The following GRID1 variants were observed in gnomAD, a reference collection of about 807,000 sequenced individuals.
The protein encoded by GRID1 is glutamate receptor ionotropic, delta-1.
In GRID1, 28 loss-of-function variants were observed where a neutral mutation model predicts 98.0. That is an observed-to-expected ratio of 0.29 (90% CI 0.21 to 0.39). The LOEUF is 0.39. GRID1 is among the 10% of genes least tolerant of loss of function. The pLI, the probability that GRID1 is intolerant of heterozygous loss-of-function variation, is 1.00. For synonymous variants in GRID1, 553 were observed against 538.5 expected (o/e 1.03, Z -0.37); for missense variants, 1,111 against 1,340.5 (o/e 0.83, Z 2.67).
chr10:86,234,245 A>C (rs1278157836), intron 2 of GRID1, among the ~76,000 whole-genome samples: 1 of 152,172 alleles, frequency 6.6e-6, no homozygotes, highest in Non-Finnish European at 1.5e-5. Flanking sequence ...GCCACCCTAG[A>C]AAGAGAGAAG....
At chr10:85,708,691 A>C (rs533580794) in intron 12 of GRID1, 2 of 152,228 alleles carry the variant, frequency 1.3e-5, no homozygotes, top group Non-Finnish European at 2.9e-5. Context: ...ATGGCCAAGC[A>C]TGTGCCCAAT....
chr10:86,108,449 T>A (rs1844426956), intron 4 of GRID1, among the ~76,000 whole-genome samples: 1 of 152,242 alleles, frequency 6.6e-6, no homozygotes, highest in African/African-American at 2.4e-5. Flanking sequence ...AGCTTTGTCC[T>A]ATTTTTCTCC....
At chr10:85,710,001 CATCTT>C (rs1841564892) in intron 12 of GRID1, among the ~76,000 whole-genome samples, 1 of 152,008 alleles carries the variant, frequency 6.6e-6, no homozygotes. Flanking sequence ...AATAAATAGA[CATCTT>C]ATGCTAATGG....
chr10:86,104,636 GAA>G (rs1844353253), intron 4 of GRID1, among the ~76,000 whole-genome samples: 3 of 152,216 alleles, frequency 2.0e-5, no homozygotes, highest in African/African-American at 7.2e-5. Context: ...TCGGCAGACT[GAA>G]TGCCCAGAGT....
chr10:85,944,075 T>C (rs1842026614), intron 4 of GRID1, among the ~76,000 whole-genome samples: 1 of 152,222 alleles, frequency 6.6e-6, no homozygotes, highest in African/African-American at 2.4e-5. Flanking sequence ...TGGCCTCCAT[T>C]GCCCTAGCCA....
At position 85,877,037 on chromosome 10, in the gene GRID1, C is replaced by T. The variant is rs551220467; in HGVS notation, c.781-7857G>A. Reference sequence around the variant, plus strand: ...AGCAGTCTGAGATCAAACTGCAAGGCGGCAGTAAGGCTGGGGGAGGGGCGC... The same window carrying T: ...AGCAGTCTGAGATCAAACTGCAAGGTGGCAGTAAGGCTGGGGGAGGGGCGC... On this transcript the variant is annotated intron_variant, in intron 5 of 15. Coordinates refer to ENST00000327946, the MANE Select transcript of GRID1 (RefSeq NM_017551.3). 8.9e-4 allele frequency among the ~76,000 whole-genome samples: 136 copies of T among 152,304 alleles called. 1 individual carries two copies. The highest frequency in any genetic ancestry group is 1.6e-3 in the Non-Finnish European group (111 of 68,022).
At chr10:85,667,082 A>G (rs942805159) in intron 12 of GRID1, among the ~76,000 whole-genome samples, 1 of 152,210 alleles carries the variant, frequency 6.6e-6, no homozygotes, top group Non-Finnish European at 1.5e-5. Context: ...GACACACAGA[A>G]GAGAACCCAG....
At chr10:86,205,128 C>T (rs1045667385) in intron 3 of GRID1, among the ~76,000 whole-genome samples, 2 of 152,234 alleles carry the variant, frequency 1.3e-5, no homozygotes, top group African/African-American at 4.8e-5. Flanking sequence ...CTCCAAACAG[C>T]ATATTTGCTC....
At chr10:85,664,351 G>A (rs946535330) in intron 12 of GRID1, among the ~76,000 whole-genome samples, 3 of 152,110 alleles carry the variant, frequency 2.0e-5, no homozygotes, top group Non-Finnish European at 4.4e-5. Context: ...CTGTGGTCCT[G>A]TAGCCAGTAA....
chr10:86,283,638 TCACA>T (rs1482867133), intron 2 of GRID1, among the ~76,000 whole-genome samples: 2 of 150,372 alleles, frequency 1.3e-5, no homozygotes, highest in African/African-American at 4.9e-5. Flanking sequence ...ATATCTGCCC[TCACA>T]CACACACCTG....
intron 4 of GRID1, among the ~76,000 whole-genome samples, chr10:86,088,286 G>T (rs1844093578): frequency 6.6e-6 from 1 of 152,006 alleles, no homozygotes; most frequent in South Asian, 2.1e-4. Flanking sequence ...TAAATAAGAA[G>T]GAAAAGAGAG....
At chr10:85,895,010 A>ATATATATAT (rs1431281533) in intron 5 of GRID1, among the ~76,000 whole-genome samples, 1 of 119,704 alleles carries the variant, frequency 8.4e-6, no homozygotes, top group Non-Finnish European at 1.8e-5. Flanking sequence ...TCAAAAAAAA[A>ATATATATAT]AAAAAAATAT....
intron 6 of GRID1, among the ~76,000 whole-genome samples, chr10:85,865,087 T>G (rs1410733209): frequency 2.6e-5 from 4 of 152,204 alleles, no homozygotes; most frequent in Non-Finnish European, 5.9e-5. Context: ...TAGCAAAGTC[T>G]CAGGGTTCTG....
Position 85,647,231 on chromosome 10 carries a change from C to T in GRID1, c.2164G>A (p.Val722Met), listed in dbSNP as rs753413551. ...CTGATGCCTTCTGAAGGACTGGACA[C>T]GCAGTTGTCAGCCCCTCCGTTCTTG... ...ISKNGGADNCVSSPSEGIRKA... is the reference protein window; with the variant it reads ...ISKNGGADNCMSSPSEGIRKA... The change falls in exon 13 of 16, where the codon GTG (valine) becomes ATG (methionine). Residue 722 changes from valine (V) to methionine (M), a missense_variant. Physicochemically the swap from Val to Met is conservative, Grantham distance 21. This residue lies in a region of GRID1 where 762 missense variants were observed against 869.1 expected (regional missense o/e 0.88). Transcript: ENST00000327946. 14 of 1,614,214 alleles carry T rather than the reference C, an allele frequency of 8.7e-6. No individual in the cohort carries two copies. The highest frequency in any genetic ancestry group is 4.5e-5 in the East Asian group (2 of 44,880).
At chr10:85,701,730 GA>G (rs1396740214) in intron 12 of GRID1, among the ~76,000 whole-genome samples, 1 of 152,256 alleles carries the variant, frequency 6.6e-6, no homozygotes, top group South Asian at 2.1e-4. Context: ...ACTCAGGAAT[GA>G]AAAACCAAAC....
intron 8 of GRID1, among the ~76,000 whole-genome samples, chr10:85,830,580 CT>C (rs1842859282): frequency 4.0e-5 from 6 of 151,728 alleles, no homozygotes; most frequent in African/African-American, 1.5e-4. Flanking sequence ...CAATAAAGGT[CT>C]AATATCCAGA....
In GRID1 at chr10:85,894,470, G is replaced by T. The variant is rs1001079174; in HGVS notation, c.780+21716C>A. ...AGTGACAGAAAGGAGATCAGAGGTT[G>T]TCTTGAGATTAGGTAGAGGTAGAAA... is the stretch of plus-strand genomic sequence containing the variant. On this transcript the variant is annotated intron_variant, in intron 5 of 15. Transcript: ENST00000327946. 7.2e-5 allele frequency among the ~76,000 whole-genome samples: 11 copies of T among 152,290 alleles called. No homozygotes were observed. In the East Asian group the frequency reaches 1.9e-3, roughly 27 times the overall value.
intron 3 of GRID1, among the ~76,000 whole-genome samples, chr10:86,148,806 G>A (rs1049229767): frequency 2.6e-5 from 4 of 152,136 alleles, no homozygotes; most frequent in East Asian, 1.9e-4. Flanking sequence ...GAAAAGGCAC[G>A]GAGAAGCAGC....
chr10:86,252,288 C>T (rs1490899415), intron 2 of GRID1, among the ~76,000 whole-genome samples: 1 of 152,204 alleles, frequency 6.6e-6, no homozygotes, highest in Admixed American at 6.5e-5. Context: ...CCTTCAGCCT[C>T]GGGCTGTCCA....
Sources: gnomAD v4.1 joint callset for allele counts (sites outside exome capture counted in the v4.1 genomes callset) on GRCh38, gnomAD v4.1.1 for gene constraint, gnomAD v4.1.1 regional missense constraint, MANE v1.5 for transcripts, NCBI Gene and HGNC (gene_info 2026-07-23, HGNC 2026-07-21) for gene names.